OSBP: variants seen among roughly 807,000 people sequenced by gnomAD.
OSBP encodes the protein oxysterol-binding protein 1.
Under a neutral mutation model 96.6 loss-of-function variants are expected in OSBP, and 32 were observed. The ratio of observed to expected loss-of-function variants is 0.33; its 90% CI spans 0.25 to 0.45. OSBP has a LOEUF of 0.45. OSBP is among the 20% of genes least tolerant of loss of function. The probability of loss-of-function intolerance (pLI) is 1.00; values close to 1 mark genes in which losing one functional copy is unlikely to be tolerated. For missense variants in OSBP, 653 were observed against 1,029.7 expected, an observed-to-expected ratio of 0.63 and a Z score of 5.01; for synonymous variants, 369 against 389.6, an observed-to-expected ratio of 0.95 and a Z score of 0.62.
chr11:59,581,634 A>C lies in OSBP; in HGVS notation c.1679-80T>G, dbSNP rs1860422269. On this transcript the variant is annotated intron_variant, in intron 9 of 13. Transcript: ENST00000263847. ...TGCAGCCTCAAAACAGTAATGGATT[A>C]ATTTCCTTCTATTGATATTTATTAC... is the stretch of plus-strand genomic sequence containing the variant. 7.6e-6 allele frequency: 5 copies of C among 658,806 alleles called. No homozygotes were observed. In the East Asian group the frequency reaches 1.3e-4, roughly 17 times the overall value. The allele number at this position is 658,806 out of a possible 1,614,324, so 40.8% of individuals were successfully genotyped here.
intron 1 of OSBP, among the ~76,000 whole-genome samples, chr11:59,610,845 T>C (rs1396821303): frequency 6.6e-6 from 1 of 151,390 alleles, no homozygotes; most frequent in African/African-American, 2.4e-5. Context: ...CCATTTTCCT[T>C]TTAGAAATAG....
chr11:59,600,428 ATC>A, intron 7 of OSBP, 66 bp downstream of exon 7: 1 of 1,563,848 alleles, frequency 6.4e-7, no homozygotes, highest in Non-Finnish European at 8.7e-7. Flanking sequence ...GGGCTGTCAT[ATC>A]AGCACTCTTC....
intron 9 of OSBP, among the ~76,000 whole-genome samples, chr11:59,589,457 T>C (rs1442550995): frequency 6.6e-6 from 1 of 151,440 alleles, no homozygotes. Flanking sequence ...AAAAATTAGC[T>C]GGGTGTGGTG....
intron 9 of OSBP, among the ~76,000 whole-genome samples, chr11:59,587,303 C>A (rs1176654878): frequency 6.6e-6 from 1 of 151,942 alleles, no homozygotes; most frequent in Admixed American, 6.6e-5. Flanking sequence ...GAGTTCAAGA[C>A]CAGCCTGACC....
At chr11:59,605,499 G>A (rs148942607) in intron 3 of OSBP, among the ~76,000 whole-genome samples, 4 of 152,054 alleles carry the variant, frequency 2.6e-5, no homozygotes, top group South Asian at 2.1e-4. Context: ...TGCAACCTCC[G>A]CCTCCTGGGT....
intron 8 of OSBP, 29 bp from the exon 9 acceptor site, chr11:59,593,753 G>A (rs535649532): frequency 5.6e-5 from 90 of 1,612,124 alleles, no homozygotes; most frequent in Non-Finnish European, 7.0e-5. Flanking sequence ...AAATTAAGAC[G>A]GCAGAAAGGA....
intron 1 of OSBP, among the ~76,000 whole-genome samples, chr11:59,613,661 T>C (rs1014717110): frequency 1.9e-4 from 29 of 152,166 alleles, no homozygotes; most frequent in African/African-American, 6.5e-4. Flanking sequence ...AATTTTAGAT[T>C]TGTAATCTAA....
intron 9 of OSBP, 73 bp downstream of exon 9, chr11:59,593,531 A>C (rs1860611102): frequency 6.5e-7 from 1 of 1,549,922 alleles, no homozygotes; most frequent in Middle Eastern, 1.7e-4. Flanking sequence ...CTCTTTAGCC[A>C]GTGACCTCCT....
intron 3 of OSBP, among the ~76,000 whole-genome samples, chr11:59,604,988 C>T (rs1036793279): frequency 1.3e-5 from 2 of 151,628 alleles, no homozygotes; most frequent in African/African-American, 4.8e-5. Context: ...CCCATCTCCA[C>T]TAAAAACACA....
chr11:59,603,090 TCTC>T (rs1384929994), intron 3 of OSBP, among the ~76,000 whole-genome samples: 2 of 152,238 alleles, frequency 1.3e-5, no homozygotes, highest in Non-Finnish European at 2.9e-5. Context: ...GCCAGTCTCT[TCTC>T]TACATTTCCA....
intron 7 of OSBP, among the ~76,000 whole-genome samples, chr11:59,599,088 G>T (rs1324699000): frequency 6.6e-6 from 1 of 152,208 alleles, no homozygotes; most frequent in Non-Finnish European, 1.5e-5. Context: ...CTACTTCTGG[G>T]CTTGAACATA....
At chr11:59,593,344 G>A (rs532647988) in intron 9 of OSBP, 2 of 358,750 alleles carry the variant, frequency 5.6e-6, no homozygotes, top group African/African-American at 4.1e-5. Flanking sequence ...TAGAACTTGT[G>A]TTCTAAATAG....
chr11:59,603,269 T>C (rs927550672), intron 3 of OSBP, among the ~76,000 whole-genome samples: 3 of 152,212 alleles, frequency 2.0e-5, no homozygotes, highest in African/African-American at 4.8e-5. Context: ...AGGGATCTGA[T>C]AAAGTTTGCT....
At position 59,576,287 on chromosome 11, in the gene OSBP, A is replaced by G; in HGVS notation, c.*290T>C. ...AAATGGGGGCAGAGGGAGAAAGAAG[A>G]GCCAAGAATACTTGACTTCGTGGAT... On this transcript the variant is annotated 3_prime_UTR_variant, in exon 14 of 14. Coordinates refer to ENST00000263847, the MANE Select transcript of OSBP (RefSeq NM_002556.3). 3.3e-6 allele frequency: 1 copy of G among 307,450 alleles called. No homozygotes were observed. Among genetic ancestry groups the G allele is most frequent in the Non-Finnish European group, 5.9e-6 (1 of 168,080 alleles). The allele number at this position is 307,450 out of a possible 1,614,324, so 19.0% of individuals were successfully genotyped here. A position where few individuals can be genotyped will look rare whatever the true frequency, so the allele number is the denominator to read the frequency against.
intron 1 of OSBP, among the ~76,000 whole-genome samples, chr11:59,613,252 A>G (rs1023770231): frequency 6.6e-6 from 1 of 152,230 alleles, no homozygotes; most frequent in Admixed American, 6.5e-5. Context: ...GGGCAGGCCT[A>G]TGGCATATTT....
chr11:59,581,316 G>C (rs1282465726), intron 10 of OSBP, 135 bp downstream of exon 10: 6 of 460,424 alleles, frequency 1.3e-5, no homozygotes, highest in Non-Finnish European at 2.4e-5. Flanking sequence ...TACTGCCTGA[G>C]AGAAATTCCT....
chr11:59,586,500 T>C (rs1000135453), intron 9 of OSBP, among the ~76,000 whole-genome samples: 3 of 152,210 alleles, frequency 2.0e-5, no homozygotes, highest in African/African-American at 7.2e-5. Flanking sequence ...ATCTACAGAT[T>C]CAATGAAATC....
intron 9 of OSBP, among the ~76,000 whole-genome samples, chr11:59,588,834 C>T (rs1047703986): frequency 4.0e-5 from 6 of 151,484 alleles, no homozygotes; most frequent in African/African-American, 9.7e-5. Flanking sequence ...GGAGAAACCC[C>T]GTGTCTACTA....
intron 3 of OSBP, among the ~76,000 whole-genome samples, chr11:59,607,452 TTAAAA>T (rs1229299128): frequency 6.6e-6 from 1 of 152,148 alleles, no homozygotes. Flanking sequence ...AAAAATGATG[TTAAAA>T]TAAAGGTTAT....
Sources: allele counts gnomAD v4.1 joint callset (sites outside exome capture counted in the v4.1 genomes callset), GRCh38; gene constraint gnomAD v4.1.1; transcripts MANE v1.5; gene names NCBI Gene and HGNC (gene_info 2026-07-23, HGNC 2026-07-21).